The following HIF1AN variants were observed in gnomAD, a reference collection of about 807,000 sequenced individuals.
The protein encoded by HIF1AN is hypoxia inducible factor 1 subunit alpha inhibitor.
Under a neutral mutation model 47.7 loss-of-function variants are expected in HIF1AN, and 21 were observed. The ratio of observed to expected loss-of-function variants is 0.44; its 90% CI spans 0.31 to 0.63. The LOEUF is 0.63. Ranked by LOEUF, HIF1AN falls within the 30% of genes least tolerant of loss-of-function variation. The pLI is 0.07. For missense variants in HIF1AN, 320 were observed against 432.7 expected (o/e 0.74, Z 2.31); for synonymous variants, 152 against 155.9 (o/e 0.98, Z 0.18).
At chr10:100,536,342 A>T (rs577937839) in intron 1 of HIF1AN, 69 bp from the exon 2 acceptor site, 3 of 1,574,248 alleles carry the variant, frequency 1.9e-6, no homozygotes, top group South Asian at 1.1e-5. Context: ...AGTTGGGATC[A>T]TGGAGGCCAA....
intron 3 of HIF1AN, among the ~76,000 whole-genome samples, chr10:100,542,179 C>A (rs935564991): frequency 2.0e-5 from 3 of 151,540 alleles, no homozygotes; most frequent in Middle Eastern, 3.4e-3. Flanking sequence ...GCTGCTCCAT[C>A]ATAATCTTAT....
At chr10:100,539,482 A>G (rs4919471) in intron 2 of HIF1AN, among the ~76,000 whole-genome samples, 30,151 of 152,170 alleles carry the variant, frequency 0.2, 3,127 homozygotes, top group South Asian at 0.23. Flanking sequence ...GTTAAGATAA[A>G]CTAGGCTTCA....
At chr10:100,539,854 G>T (rs1354323091) in intron 2 of HIF1AN, among the ~76,000 whole-genome samples, 1 of 152,162 alleles carries the variant, frequency 6.6e-6, no homozygotes, top group Non-Finnish European at 1.5e-5. Flanking sequence ...AAGGGCCAAC[G>T]GAGATGTCTC....
In HIF1AN at chr10:100,559,819, A is replaced by G. The variant is rs530831809; in HGVS notation, c.*11682A>G. The G allele has an allele frequency of 9.8e-5, 15 of 152,322 alleles. No homozygotes were observed. The South Asian group carries it at 3.1e-3, about 32-fold the overall frequency. 9.4% of individuals were successfully genotyped at this position (152,322 alleles called of 1,614,324 possible). On this transcript the variant is annotated 3_prime_UTR_variant, in exon 8 of 8. Transcript: ENST00000299163. Reference sequence around the variant, plus strand: ...AAGAAACTCAGAGAGTGGGTTCTAAATGTAATATTACCACACACCCAAGTC... The same window carrying G: ...AAGAAACTCAGAGAGTGGGTTCTAAGTGTAATATTACCACACACCCAAGTC...
chr10:100,547,362 A>G, intron 7 of HIF1AN, 112 bp downstream of exon 7: 1 of 684,986 alleles, frequency 1.5e-6, no homozygotes, highest in East Asian at 2.7e-5. Context: ...CTCTCTCTCC[A>G]TAGAGGTTAT....
At chr10:100,542,548 G>T (rs1435122200) in intron 3 of HIF1AN, among the ~76,000 whole-genome samples, 2 of 151,950 alleles carry the variant, frequency 1.3e-5, no homozygotes, top group African/African-American at 2.4e-5. Flanking sequence ...GTAGAGATGG[G>T]GTTTCACCGT....
chr10:100,540,924 C>A, intron 3 of HIF1AN, 142 bp downstream of exon 3: 1 of 803,906 alleles, frequency 1.2e-6, no homozygotes, highest in Non-Finnish European at 1.9e-6. Context: ...CTAAAAGAAA[C>A]ATAATAGGGG....
At position 100,540,754 on chromosome 10, in the gene HIF1AN, C is replaced by T. The variant is rs760214757; in HGVS notation, c.549C>T (p.Thr183=). The T allele has an allele frequency of 5.0e-6, 8 of 1,611,456 alleles. No homozygotes were observed. In the East Asian group the frequency reaches 1.3e-4, roughly 27 times the overall value. Residue 183 remains threonine (T), a synonymous_variant, in exon 3 of 8, where the codon ACC becomes ACT. Coordinates refer to ENST00000299163, the MANE Select transcript of HIF1AN (RefSeq NM_017902.3). The part of the protein sequence containing the change: ...QQGKRGWGQL[T]SNLLLIGMEG... ...GAAAGCGTGGCTGGGGGCAGCTTAC[C>T]TCTAACCTGCTGCTCATTGGCATGG...
intron 3 of HIF1AN, among the ~76,000 whole-genome samples, chr10:100,544,654 TG>T (rs1843077559): frequency 6.6e-6 from 1 of 152,236 alleles, no homozygotes; most frequent in Admixed American, 6.5e-5. Flanking sequence ...ACCTGATTTT[TG>T]AGGATCATTT....
At position 100,541,720 on chromosome 10, in the gene HIF1AN, C is replaced by T. The variant is rs7903199; in HGVS notation, c.577+938C>T. On this transcript the variant is annotated intron_variant, in intron 3 of 7. Transcript: ENST00000299163. The stretch of plus-strand genomic sequence containing the variant: ...TTCTAAAAAGTTCCCTTTTCCCTTC[C>T]TCAGCTGTTATGTGAGTGTGTATAC... Among the ~76,000 whole-genome samples, 656 of 152,252 alleles carry T rather than the reference C, an allele frequency of 4.3e-3. 3 individuals are homozygous for T. Among genetic ancestry groups the T allele is most frequent in the African/African-American group, 0.014 (602 of 41,554 alleles).
At chr10:100,547,294 G>A in intron 7 of HIF1AN, 44 bp downstream of exon 7, 1 of 1,172,166 alleles carries the variant, frequency 8.5e-7, no homozygotes, top group Non-Finnish European at 1.3e-6. Context: ...GGTTGACCAA[G>A]GAAAGTCAGG....
At position 100,536,069 on chromosome 10, in the gene HIF1AN, C is replaced by G. The variant is rs769829095; in HGVS notation, c.111C>G (p.Phe37Leu). 73 of 1,612,408 alleles carry G rather than the reference C, an allele frequency of 4.5e-5. No individual in the cohort carries two copies. The highest frequency in any genetic ancestry group is 1.7e-4 in the Admixed American group (10 of 59,896). The change falls in exon 1 of 8, where the codon TTC becomes TTG. Residue 37 changes from phenylalanine (F) to leucine (L), a missense_variant. By Grantham distance (22) the Phe-to-Leu change is conservative. Transcript: ENST00000299163. ...WDESQLRSYS[F>L]PTRPIPRLSQ... ...AATCCCAGTTGCGCAGTTATAGCTT[C>G]CCGACTAGGCCCATTCCGCGTCTGA...
intron 3 of HIF1AN, among the ~76,000 whole-genome samples, chr10:100,541,398 A>G (rs1358573590): frequency 6.6e-6 from 1 of 152,216 alleles, no homozygotes; most frequent in Non-Finnish European, 1.5e-5. Context: ...TGCTTAAAAA[A>G]GGAAAAATGA....
At chr10:100,542,729 G>A (rs1843051251) in intron 3 of HIF1AN, among the ~76,000 whole-genome samples, 1 of 151,886 alleles carries the variant, frequency 6.6e-6, no homozygotes, top group South Asian at 2.1e-4. Flanking sequence ...GGTACATAGT[G>A]ATAACTACCC....
At position 100,545,338 on chromosome 10, in the gene HIF1AN, T is replaced by C; in HGVS notation, c.723+242T>C. 2 of 448,284 alleles carry C rather than the reference T, an allele frequency of 4.5e-6. 1 individual carries two copies. Among genetic ancestry groups the C allele is most frequent in the South Asian group, 1.0e-4 (2 of 19,208 alleles). 27.8% of individuals were successfully genotyped at this position (448,284 alleles called of 1,614,324 possible). A position where few individuals can be genotyped will look rare whatever the true frequency, so the allele number is the denominator to read the frequency against. On this transcript the variant is annotated intron_variant, in intron 4 of 7. Coordinates refer to ENST00000299163, the MANE Select transcript of HIF1AN (RefSeq NM_017902.3). ...TAATTCTCAGGACAGACACTGTCAT[T>C]GATGCTGATGGACTCTGGTTACTCT...
At chr10:100,540,157 G>C (rs1843011475) in intron 2 of HIF1AN, among the ~76,000 whole-genome samples, 1 of 146,158 alleles carries the variant, frequency 6.8e-6, no homozygotes, top group Non-Finnish European at 1.5e-5. Context: ...TTCTTCTCCA[G>C]GTTCTTTTTT....
chr10:100,541,476 A>G (rs533473598), intron 3 of HIF1AN, among the ~76,000 whole-genome samples: 1 of 152,198 alleles, frequency 6.6e-6, no homozygotes, highest in Non-Finnish European at 1.5e-5. Flanking sequence ...GAAATAATGT[A>G]TGTCGAGTCT....
intron 3 of HIF1AN, among the ~76,000 whole-genome samples, chr10:100,544,552 A>G (rs1265053260): frequency 6.6e-6 from 1 of 152,236 alleles, no homozygotes. Context: ...CTCCTCATGT[A>G]TATGTTGTTG....
Position 100,556,741 on chromosome 10 carries a change from C to T in HIF1AN, c.*8604C>T, listed in dbSNP as rs1843217239. On this transcript the variant is annotated 3_prime_UTR_variant, in exon 8 of 8. Transcript: ENST00000299163. Reference sequence around the variant, plus strand: ...CCATTTGCCACTAGCTAATTCTAACCTTAGGTAAGTCAGTGTCTCTGGGTC... The same window carrying T: ...CCATTTGCCACTAGCTAATTCTAACTTTAGGTAAGTCAGTGTCTCTGGGTC... 6.6e-6 allele frequency: 1 copy of T among 152,208 alleles called. No homozygotes were observed. Among genetic ancestry groups the T allele is most frequent in the Non-Finnish European group, 1.5e-5 (1 of 68,050 alleles). The allele number at this position is 152,208 out of a possible 1,614,324, so 9.4% of individuals were successfully genotyped here.
Sources: gnomAD v4.1 joint callset for allele counts (sites outside exome capture counted in the v4.1 genomes callset) on GRCh38, gnomAD v4.1.1 for gene constraint, MANE v1.5 for transcripts, NCBI Gene and HGNC (gene_info 2026-07-23, HGNC 2026-07-21) for gene names.